The following THSD7A variants were observed in gnomAD, a reference collection of about 807,000 sequenced individuals.
THSD7A encodes the protein thrombospondin type 1 domain containing 7A.
In THSD7A, 96 loss-of-function variants were observed where a neutral mutation model predicts 231.3. The ratio of observed to expected loss-of-function variants is 0.41; its 90% CI spans 0.35 to 0.49. The LOEUF (loss-of-function observed/expected upper bound fraction) is 0.49. Among genes scored for constraint, THSD7A ranks in the 20% least tolerant of loss-of-function variants. The pLI is 0.05. For synonymous variants in THSD7A, 940 were observed against 743.3 expected (o/e 1.26, Z -4.30); for missense variants, 2,290 against 2,070.2 (o/e 1.11, Z -2.06).
intron 1 of THSD7A, among the ~76,000 whole-genome samples, chr7:11,651,847 A>T (rs1198448326): frequency 6.6e-6 from 1 of 151,992 alleles, no homozygotes; most frequent in Non-Finnish European, 1.5e-5. Flanking sequence ...TTGTTACTAG[A>T]AATAATATAT....
intron 2 of THSD7A, among the ~76,000 whole-genome samples, chr7:11,618,429 T>TA (rs1281360416): frequency 6.6e-6 from 1 of 152,162 alleles, no homozygotes; most frequent in Non-Finnish European, 1.5e-5. Flanking sequence ...TGTAGGTTGA[T>TA]ATGAATACAC....
intron 1 of THSD7A, among the ~76,000 whole-genome samples, chr7:11,819,765 A>G (rs1784813397): frequency 6.6e-6 from 1 of 152,178 alleles, no homozygotes; most frequent in Non-Finnish European, 1.5e-5. Flanking sequence ...TCTGTTAAAA[A>G]TCCTTAGAAT....
chr7:11,407,269 G>A (rs774678369), intron 20 of THSD7A, 37 bp downstream of exon 20: 2 of 1,536,732 alleles, frequency 1.3e-6, no homozygotes, highest in Non-Finnish European at 1.8e-6. Flanking sequence ...CATATTCCTT[G>A]ACCAGTAGCC....
intron 17 of THSD7A, among the ~76,000 whole-genome samples, chr7:11,416,295 T>C (rs1783957420): frequency 6.6e-6 from 1 of 152,176 alleles, no homozygotes; most frequent in African/African-American, 2.4e-5. Context: ...AAATCCCTAT[T>C]AATAAGTTTA....
rs571423710 is a variant in THSD7A, at chr7:11,424,788, G to T, written c.3291C>A (p.Tyr1097Ter). Residue 1097 changes from tyrosine (Y) to a stop codon, truncating the protein, a stop_gained, in exon 16 of 28, where the codon TAC becomes TAA. Coordinates refer to ENST00000423059, the MANE Select transcript of THSD7A (RefSeq NM_015204.3). LOFTEE classifies it high-confidence loss of function. ...TGCTCCAGGGCTCTGTGACCCATAG[G>T]TACTGGTTGCAGTCACTGTGGCATG... Reference protein sequence around the residue: ...VVPCHSDCNQYLWVTEPWSIC... With the variant: ...VVPCHSDCNQ 6.2e-7 allele frequency: 1 copy of T among 1,613,806 alleles called. No homozygotes were observed. Among genetic ancestry groups the T allele is most frequent in the African/African-American group, 1.3e-5 (1 of 74,894 alleles).
intron 1 of THSD7A, among the ~76,000 whole-genome samples, chr7:11,765,350 A>G (rs1782999335): frequency 6.6e-6 from 1 of 152,176 alleles, no homozygotes; most frequent in Non-Finnish European, 1.5e-5. Flanking sequence ...TCTAGAAAAG[A>G]CTTGTCCAGC....
chr7:11,591,885 C>A (rs1780178730), intron 3 of THSD7A, among the ~76,000 whole-genome samples: 2 of 152,238 alleles, frequency 1.3e-5, no homozygotes, highest in Non-Finnish European at 1.5e-5. Flanking sequence ...GCCAAAAAGT[C>A]CAATGAGAGG....
intron 9 of THSD7A, among the ~76,000 whole-genome samples, chr7:11,467,739 C>T (rs1007298964): frequency 6.9e-6 from 1 of 144,890 alleles, no homozygotes; most frequent in African/African-American, 2.4e-5. Context: ...TGGTTTTTTA[C>T]TCCTAAAAAA....
chr7:11,820,562 C>G lies in THSD7A; in HGVS notation c.190+11195G>C, dbSNP rs74710892. The stretch of plus-strand genomic sequence containing the variant: ...TTCTTTTTTGAAAATCATTGTTACT[C>G]TTGTTATTGTTCCCAGAGTAGTTGC... On this transcript the variant is annotated intron_variant, in intron 1 of 27. Transcript: ENST00000423059. 2,272 of 717,704 alleles carry G rather than the reference C, an allele frequency of 3.2e-3. 44 individuals carry two copies. In the African/African-American group the frequency reaches 0.035, roughly 11 times the overall value. 44.5% of individuals were successfully genotyped at this position (717,704 alleles called of 1,614,324 possible). A position where few individuals can be genotyped will look rare whatever the true frequency, so the allele number is the denominator to read the frequency against.
At chr7:11,649,029 A>G (rs1242310559) in intron 1 of THSD7A, among the ~76,000 whole-genome samples, 2 of 151,992 alleles carry the variant, frequency 1.3e-5, no homozygotes, top group Non-Finnish European at 2.9e-5. Flanking sequence ...CTGATATTGC[A>G]TGGAGATGAC....
At chr7:11,589,561 C>T (rs934553501) in intron 4 of THSD7A, among the ~76,000 whole-genome samples, 3 of 152,166 alleles carry the variant, frequency 2.0e-5, no homozygotes, top group Admixed American at 6.5e-5. Context: ...TCTACATGCT[C>T]TCCTGATGAC....
At chr7:11,499,676 C>CA (rs1185296768) in intron 6 of THSD7A, among the ~76,000 whole-genome samples, 1 of 152,140 alleles carries the variant, frequency 6.6e-6, no homozygotes, top group African/African-American at 2.4e-5. Context: ...AATGCAATCA[C>CA]AAGTATTAAC....
intron 1 of THSD7A, among the ~76,000 whole-genome samples, chr7:11,758,581 T>C (rs1782757301): frequency 6.6e-6 from 1 of 152,008 alleles, no homozygotes; most frequent in African/African-American, 2.4e-5. Flanking sequence ...TAAGGACTTC[T>C]ATAGGATGCC....
At chr7:11,820,711 G>A (rs1037944961) in intron 1 of THSD7A, 49 of 979,486 alleles carry the variant, frequency 5.0e-5, no homozygotes, top group Admixed American at 1.9e-4. Context: ...AGCCCGTGGA[G>A]CTCTCCTCTC....
intron 1 of THSD7A, among the ~76,000 whole-genome samples, chr7:11,711,450 G>A (rs1780962501): frequency 6.6e-6 from 1 of 151,052 alleles, no homozygotes; most frequent in Non-Finnish European, 1.5e-5. Flanking sequence ...TTGATCTGCT[G>A]ACGAATTAAA....
chr7:11,803,173 G>A (rs1287041958), intron 1 of THSD7A, among the ~76,000 whole-genome samples: 1 of 152,126 alleles, frequency 6.6e-6, no homozygotes, highest in Non-Finnish European at 1.5e-5. Context: ...GCATGTTCAT[G>A]GGCCTTGGGG....
chr7:11,784,599 T>C (rs1344920451), intron 1 of THSD7A, among the ~76,000 whole-genome samples: 1 of 151,984 alleles, frequency 6.6e-6, no homozygotes, highest in African/African-American at 2.4e-5. Context: ...TTTTTCTAGG[T>C]TTATTTATTT....
intron 1 of THSD7A, among the ~76,000 whole-genome samples, chr7:11,736,398 C>T (rs1781912707): frequency 6.6e-6 from 1 of 151,680 alleles, no homozygotes; most frequent in South Asian, 2.1e-4. Context: ...GAGTTTGAGG[C>T]TACAGTGAGC....
intron 15 of THSD7A, among the ~76,000 whole-genome samples, chr7:11,425,527 G>C (rs1784289297): frequency 6.6e-6 from 1 of 152,002 alleles, no homozygotes; most frequent in South Asian, 2.1e-4. Context: ...AAGCCTTTCA[G>C]TCCCACATTT....
Sources: allele counts gnomAD v4.1 joint callset (sites outside exome capture counted in the v4.1 genomes callset), GRCh38; gene constraint gnomAD v4.1.1; transcripts MANE v1.5; gene names NCBI Gene and HGNC (gene_info 2026-07-23, HGNC 2026-07-21).